PLCH1: variants seen among roughly 807,000 people sequenced by gnomAD.
The protein encoded by PLCH1 is phospholipase C eta 1.
Under a neutral mutation model 126.7 loss-of-function variants are expected in PLCH1, and 60 were observed. The ratio of observed to expected loss-of-function variants is 0.47; its 90% CI spans 0.38 to 0.59. The LOEUF is 0.59. Among genes scored for constraint, PLCH1 ranks in the 20% least tolerant of loss-of-function variants. The pLI, the probability that PLCH1 is intolerant of heterozygous loss-of-function variation, is 0.00. For synonymous variants in PLCH1, 719 were observed against 734.9 expected (o/e 0.98, Z 0.35); for missense variants, 1,723 against 2,040.0 (o/e 0.84, Z 2.99).
intron 2 of PLCH1, among the ~76,000 whole-genome samples, chr3:155,667,648 C>A (rs2108967332): frequency 6.6e-6 from 1 of 152,100 alleles, no homozygotes; most frequent in South Asian, 2.1e-4. Context: ...TATGTCCAGC[C>A]CCTTAATCTT....
In PLCH1 at chr3:155,693,917, C is replaced by T. The variant is rs145287114; in HGVS notation, c.79+10229G>A. Among the ~76,000 whole-genome samples the T allele has an allele frequency of 5.8e-3, 875 of 150,458 alleles. 11 individuals carry two copies. The highest frequency in any genetic ancestry group is 0.02 in the African/African-American group (828 of 40,912). On this transcript the variant is annotated intron_variant, in intron 2 of 22. Coordinates refer to ENST00000460012, the MANE Select transcript of PLCH1 (RefSeq NM_014996.4). Reference sequence around the variant, plus strand: ...CGCACTCCAGCCTGGGCCTCAGGAGCGAAACTCTGTCTTAAAAAAAAAAGA... The same window carrying T: ...CGCACTCCAGCCTGGGCCTCAGGAGTGAAACTCTGTCTTAAAAAAAAAAGA...
Position 155,583,535 on chromosome 3 carries a change from G to A in PLCH1, c.708C>T (p.Tyr236=). 1 of 1,606,278 alleles carries A rather than the reference G, an allele frequency of 6.2e-7. No homozygotes were observed. Among genetic ancestry groups the A allele is most frequent in the Non-Finnish European group, 8.5e-7 (1 of 1,177,480 alleles). ...CAGTTAGGTGATCTTTCTTGTCACT[G>A]TAGCTCAAAAGTAACAAATAAAGGT... ...RRDLYLLLLS[Y]SDKKDHLTVE... is the part of the protein sequence containing the mutation. Residue 236 remains tyrosine (Y), a synonymous_variant, in exon 6 of 23, where the codon TAC becomes TAT. Coordinates refer to ENST00000460012, the MANE Select transcript of PLCH1 (RefSeq NM_014996.4).
chr3:155,706,172 C>CAAAAA (rs34725442), intron 1 of PLCH1, among the ~76,000 whole-genome samples: 2 of 61,608 alleles, frequency 3.2e-5, no homozygotes, highest in Non-Finnish European at 3.0e-5. Flanking sequence ...GACTCTATCT[C>CAAAAA]AAAAAAAAAA....
intron 12 of PLCH1, among the ~76,000 whole-genome samples, chr3:155,512,079 A>C (rs958054802): frequency 6.7e-6 from 1 of 150,022 alleles, no homozygotes; most frequent in Non-Finnish European, 1.5e-5. Flanking sequence ...AGCCGGTCTG[A>C]AAAGCGCAAT....
intron 2 of PLCH1, among the ~76,000 whole-genome samples, chr3:155,619,814 T>A (rs991485874): frequency 6.6e-6 from 1 of 151,758 alleles, no homozygotes; most frequent in African/African-American, 2.4e-5. Context: ...GCATTTAAAG[T>A]AAGCACCTTA....
chr3:155,492,177 G>A (rs1200765279), intron 18 of PLCH1, among the ~76,000 whole-genome samples: 1 of 151,892 alleles, frequency 6.6e-6, no homozygotes, highest in African/African-American at 2.4e-5. Context: ...AGGAGAAGCT[G>A]CTATATAGCG....
At chr3:155,476,174 C>T (rs1713537631), downstream of PLCH1, among the ~76,000 whole-genome samples, 1 of 152,054 alleles carries the variant, frequency 6.6e-6, no homozygotes, top group South Asian at 2.1e-4. Flanking sequence ...CAGTATGATA[C>T]ATCATATCAA....
At chr3:155,517,760 C>T (rs1470050019) in intron 11 of PLCH1, among the ~76,000 whole-genome samples, 1 of 152,178 alleles carries the variant, frequency 6.6e-6, no homozygotes, top group Non-Finnish European at 1.5e-5. Context: ...TTGAACCTAT[C>T]TTTCAGTGGC....
chr3:155,547,694 A>G (rs1445170301), intron 10 of PLCH1, among the ~76,000 whole-genome samples: 6 of 152,150 alleles, frequency 3.9e-5, no homozygotes, highest in Admixed American at 1.3e-4. Flanking sequence ...TATACAACAT[A>G]GAATACTATG....
intron 2 of PLCH1, among the ~76,000 whole-genome samples, chr3:155,656,476 T>C (rs1484500916): frequency 1.3e-5 from 2 of 152,192 alleles, no homozygotes; most frequent in African/African-American, 4.8e-5. Flanking sequence ...TTTTCAGGAA[T>C]GAGAAAATGT....
chr3:155,716,375 C>A (rs1026940283), intron 1 of PLCH1, among the ~76,000 whole-genome samples: 3 of 152,196 alleles, frequency 2.0e-5, no homozygotes, highest in African/African-American at 7.2e-5. Flanking sequence ...TCATTCAAAT[C>A]TTGTGTGTTA....
chr3:155,582,075 C>CTTTTTTTTTTTTTTTTTTTTTTTTT (rs869254665), intron 6 of PLCH1, among the ~76,000 whole-genome samples: 2 of 64,118 alleles, frequency 3.1e-5, no homozygotes, highest in African/African-American at 6.2e-5. Flanking sequence ...TCTTTTCTTT[C>CTTTTTTTTTTTTTTTTTTTTTTTTT]TTTTTTTTTT....
chr3:155,638,434 G>T (rs115353622), intron 2 of PLCH1, among the ~76,000 whole-genome samples: 5,386 of 152,268 alleles, frequency 0.035, 102 homozygotes, highest in Non-Finnish European at 0.05. Flanking sequence ...AGAGAGAATC[G>T]AAATTTGGTT....
chr3:155,662,295 C>T (rs994246814), intron 2 of PLCH1, among the ~76,000 whole-genome samples: 7 of 151,732 alleles, frequency 4.6e-5, no homozygotes, highest in African/African-American at 1.7e-4. Context: ...TGCACACACA[C>T]AAAAAAAATA....
chr3:155,648,585 T>A (rs545463550), intron 2 of PLCH1, among the ~76,000 whole-genome samples: 18 of 152,348 alleles, frequency 1.2e-4, no homozygotes, highest in Admixed American at 3.9e-4. Context: ...ATCGTGAGCA[T>A]CTACTGTGTA....
At chr3:155,568,824 A>T (rs1383474172) in intron 6 of PLCH1, among the ~76,000 whole-genome samples, 15 of 151,384 alleles carry the variant, frequency 9.9e-5, no homozygotes, top group Admixed American at 9.9e-4. Flanking sequence ...GCAGTCTGCC[A>T]TGGTAATACA....
At chr3:155,529,594 T>C (rs77711112) in intron 10 of PLCH1, among the ~76,000 whole-genome samples, 9,147 of 152,130 alleles carry the variant, frequency 0.06, 574 homozygotes, top group African/African-American at 0.16. Context: ...AAAAAGTACA[T>C]ACGTTAATTT....
intron 21 of PLCH1, among the ~76,000 whole-genome samples, chr3:155,459,998 T>C (rs1049533246): frequency 6.6e-6 from 1 of 152,154 alleles, no homozygotes; most frequent in African/African-American, 2.4e-5. Flanking sequence ...ATGCAGAAAT[T>C]CTGGGGATGT....
At chr3:155,735,000 C>A (rs542890504) in intron 1 of PLCH1, among the ~76,000 whole-genome samples, 4 of 152,084 alleles carry the variant, frequency 2.6e-5, no homozygotes, top group African/African-American at 7.2e-5. Context: ...TGAGCCACCG[C>A]GCCCAGCCTA....
Sources: allele counts gnomAD v4.1 joint callset (sites outside exome capture counted in the v4.1 genomes callset), GRCh38; gene constraint gnomAD v4.1.1; transcripts MANE v1.5; gene names NCBI Gene and HGNC (gene_info 2026-07-23, HGNC 2026-07-21).